Variants in RORA observed in about 807,000 individuals in gnomAD.
RORA encodes nuclear receptor ROR-alpha.
Under a neutral mutation model 69.5 loss-of-function variants are expected in RORA, and 7 were observed. That is an observed-to-expected ratio of 0.10 (90% confidence interval 0.06 to 0.19). RORA has a LOEUF of 0.19. RORA is among the 10% of genes least tolerant of loss of function. The pLI is 1.00. For synonymous variants in RORA, 261 were observed against 240.8 expected, an observed-to-expected ratio of 1.08 and a Z score of -0.78; for missense variants, 457 against 663.0, an observed-to-expected ratio of 0.69 and a Z score of 3.41.
chr15:61,116,926 C>T (rs1047226652), intron 1 of RORA, among the ~76,000 whole-genome samples: 1 of 152,140 alleles, frequency 6.6e-6, no homozygotes, highest in African/African-American at 2.4e-5. Flanking sequence ...ATCTGGTTTA[C>T]GCTCACTTAA....
intron 1 of RORA, among the ~76,000 whole-genome samples, chr15:60,800,541 C>T (rs1230393110): frequency 2.0e-5 from 3 of 152,184 alleles, no homozygotes; most frequent in African/African-American, 7.2e-5. Flanking sequence ...AGAGAACCTT[C>T]TTGAAGGCTG....
At chr15:61,059,923 G>C (rs928992553) in intron 1 of RORA, among the ~76,000 whole-genome samples, 1 of 134,572 alleles carries the variant, frequency 7.4e-6, no homozygotes, top group Admixed American at 7.4e-5. Context: ...AGAAGAAGAA[G>C]AAGAAGAAGA....
chr15:60,854,177 G>A (rs1271350224), intron 1 of RORA, among the ~76,000 whole-genome samples: 11 of 152,192 alleles, frequency 7.2e-5, no homozygotes, highest in Non-Finnish European at 7.4e-5. Flanking sequence ...CTGGAGAATC[G>A]CTTGAACCCA....
intron 2 of RORA, among the ~76,000 whole-genome samples, chr15:60,541,683 T>C (rs1434131515): frequency 6.6e-6 from 1 of 152,208 alleles, no homozygotes; most frequent in Non-Finnish European, 1.5e-5. Context: ...AGCTAAGAGA[T>C]TGTCAGATTT....
chr15:60,630,792 C>G (rs1197540781), intron 2 of RORA, among the ~76,000 whole-genome samples: 1 of 152,094 alleles, frequency 6.6e-6, no homozygotes, highest in East Asian at 1.9e-4. Context: ...CCTGTCCAAG[C>G]CCTTCATTTG....
chr15:60,512,986 G>T (rs1567048031), intron 4 of RORA, among the ~76,000 whole-genome samples: 1 of 152,176 alleles, frequency 6.6e-6, no homozygotes, highest in African/African-American at 2.4e-5. Context: ...ATAGCTGATG[G>T]GGTGGATGCA....
chr15:60,898,762 C>T (rs1891302553), intron 1 of RORA, among the ~76,000 whole-genome samples: 1 of 152,054 alleles, frequency 6.6e-6, no homozygotes, highest in Admixed American at 6.6e-5. Flanking sequence ...GCAATGCATT[C>T]TGGCTTTTTT....
chr15:60,922,737 A>C (rs144213508), intron 1 of RORA, among the ~76,000 whole-genome samples: 67 of 152,350 alleles, frequency 4.4e-4, no homozygotes, highest in African/African-American at 1.6e-3. Flanking sequence ...GAGAGAAAAA[A>C]GGGTATTGTC....
At chr15:60,670,977 A>G (rs928775673) in intron 2 of RORA, among the ~76,000 whole-genome samples, 5 of 151,706 alleles carry the variant, frequency 3.3e-5, no homozygotes, top group South Asian at 2.1e-4. Flanking sequence ...AGAAGCTGAT[A>G]TAAGTGTAAA....
intron 1 of RORA, among the ~76,000 whole-genome samples, chr15:60,926,775 G>A (rs57199683): frequency 0.23 from 34,440 of 152,064 alleles, 4,757 homozygotes; most frequent in Non-Finnish European, 0.31. Context: ...TAAACATGAC[G>A]CATAAAAATA....
At chr15:61,004,924 G>C (rs1464961852) in intron 1 of RORA, among the ~76,000 whole-genome samples, 1 of 152,220 alleles carries the variant, frequency 6.6e-6, no homozygotes, top group Non-Finnish European at 1.5e-5. Flanking sequence ...GGTTTATGCA[G>C]ACAGGCACTC....
rs2065122265 is a variant in RORA at position 60,494,597 on chromosome 15, A to ATTGT, written c.*2854_*2857dup. 6.6e-6 allele frequency: 1 copy of ATTGT among 152,120 alleles called. No homozygotes were observed. Among genetic ancestry groups the ATTGT allele is most frequent in the Non-Finnish European group, 1.5e-5 (1 of 68,030 alleles). 9.4% of individuals were successfully genotyped at this position (152,120 alleles called of 1,614,324 possible). On this transcript the variant is annotated 3_prime_UTR_variant, in exon 11 of 11. Coordinates refer to ENST00000335670, the MANE Select transcript of RORA (RefSeq NM_134261.3). ...TCCATATTTTTTTTAAACTGAATTT[A>ATTGT]TTGTTTAACATCAGATCCCAACTTA...
At chr15:60,677,036 A>G (rs773649629) in intron 2 of RORA, 7 of 366,918 alleles carry the variant, frequency 1.9e-5, no homozygotes, top group South Asian at 3.9e-5. Context: ...CTTTCTGTAC[A>G]TTGCCAGGTG....
chr15:60,872,291 C>G (rs1343829411), intron 1 of RORA, among the ~76,000 whole-genome samples: 1 of 152,166 alleles, frequency 6.6e-6, no homozygotes, highest in Non-Finnish European at 1.5e-5. Context: ...CAAAGATGCT[C>G]TGGAGAATGC....
At chr15:60,999,075 A>T (rs1894662866) in intron 1 of RORA, among the ~76,000 whole-genome samples, 1 of 152,170 alleles carries the variant, frequency 6.6e-6, no homozygotes, top group Non-Finnish European at 1.5e-5. Flanking sequence ...GCTAGAAGAG[A>T]GCCTGAAAAT....
intron 1 of RORA, among the ~76,000 whole-genome samples, chr15:61,107,019 AACATGGT>A (rs1595993875): frequency 6.6e-6 from 1 of 152,190 alleles, no homozygotes; most frequent in East Asian, 1.9e-4. Context: ...CATCATCCTG[AACATGGT>A]CACTGAGCAG....
chr15:60,537,268 A>G lies in RORA; in HGVS notation c.197-5417T>C, dbSNP rs981815527. ...TCAGGGCTTCTAAAGATGGTCATGC[A>G]GGTTGTGCTCTGCCCAGTGCGGCCT... On this transcript the variant is annotated intron_variant, in intron 2 of 10. Coordinates refer to ENST00000335670, the MANE Select transcript of RORA (RefSeq NM_134261.3). This position sits in a 1 kb window ranked among gnomAD's most constrained non-coding sequence, Gnocchi z 4.9. 1.3e-5 allele frequency among the ~76,000 whole-genome samples: 2 copies of G among 152,176 alleles called. No homozygotes were observed. The highest frequency in any genetic ancestry group is 2.9e-5 in the Non-Finnish European group (2 of 68,030).
At chr15:60,940,362 G>A (rs1411884892) in intron 1 of RORA, among the ~76,000 whole-genome samples, 2 of 152,120 alleles carry the variant, frequency 1.3e-5, no homozygotes, top group Non-Finnish European at 2.9e-5. Flanking sequence ...CAACATGGAT[G>A]AATCTCAAAA....
intron 1 of RORA, among the ~76,000 whole-genome samples, chr15:60,723,709 C>T (rs1324211625): frequency 2.0e-5 from 3 of 152,166 alleles, no homozygotes; most frequent in Non-Finnish European, 4.4e-5. Flanking sequence ...CTGCCATCCA[C>T]ACATCCATTT....
Sources: gnomAD v4.1 joint callset for allele counts (sites outside exome capture counted in the v4.1 genomes callset) on GRCh38, gnomAD v4.1.1 for gene constraint, Gnocchi (gnomAD v3.1) non-coding constraint, MANE v1.5 for transcripts, NCBI Gene and HGNC (gene_info 2026-07-23, HGNC 2026-07-21) for gene names.